The following MLLT3 variants were observed in gnomAD, a reference collection of about 807,000 sequenced individuals.
MLLT3 encodes the protein protein AF-9.
A neutral mutation model predicts 53.2 loss-of-function variants in MLLT3; 4 were observed. That is an observed-to-expected ratio of 0.08 (90% confidence interval 0.04 to 0.17). The LOEUF (loss-of-function observed/expected upper bound fraction) is 0.17, where lower values mean the gene tolerates loss of function less well. MLLT3 is among the 10% of genes least tolerant of loss of function. The pLI is 1.00. For synonymous variants in MLLT3, 283 were observed against 230.6 expected (o/e 1.23, Z -2.06); for missense variants, 569 against 684.0 (o/e 0.83, Z 1.87).
chr9:20,407,115 A>G (rs921078465), intron 5 of MLLT3, among the ~76,000 whole-genome samples: 2 of 152,232 alleles, frequency 1.3e-5, no homozygotes, highest in Non-Finnish European at 2.9e-5. Flanking sequence ...TACATTTTGA[A>G]TAACTTAGAG....
chr9:20,394,589 A>G (rs1216206806), intron 5 of MLLT3, among the ~76,000 whole-genome samples: 2 of 152,086 alleles, frequency 1.3e-5, no homozygotes, highest in Non-Finnish European at 2.9e-5. Context: ...CAACTTTACT[A>G]TCTGGAGGCA....
intron 2 of MLLT3, among the ~76,000 whole-genome samples, chr9:20,530,472 C>G (rs774978760): frequency 1.7e-4 from 26 of 152,080 alleles, no homozygotes; most frequent in Non-Finnish European, 3.1e-4. Flanking sequence ...TTAAATCTGC[C>G]AAGATAAAGG....
At chr9:20,523,641 G>T (rs1818123732) in intron 2 of MLLT3, among the ~76,000 whole-genome samples, 1 of 152,098 alleles carries the variant, frequency 6.6e-6, no homozygotes, top group Non-Finnish European at 1.5e-5. Flanking sequence ...CCAACTATAT[G>T]ACATTTAGGA....
rs555193636 is a variant in MLLT3 at position 20,474,358 on chromosome 9, T to C, written c.194-17572A>G. Among the ~76,000 whole-genome samples, 284 of 152,230 alleles carry C rather than the reference T, an allele frequency of 1.9e-3. 1 individual carries two copies. The highest frequency in any genetic ancestry group is 6.7e-3 in the African/African-American group (278 of 41,534). ...AATTAGCTTGTGTAGATATTAATGT[T>C]CAAATGCAACTATGAATACTTACAT... is the stretch of plus-strand genomic sequence containing the variant. On this transcript the variant is annotated intron_variant, in intron 2 of 10. Transcript: ENST00000380338.
At chr9:20,388,323 T>G (rs971169028) in intron 5 of MLLT3, among the ~76,000 whole-genome samples, 5 of 152,208 alleles carry the variant, frequency 3.3e-5, no homozygotes, top group African/African-American at 1.2e-4. Context: ...GTGCGGTGGC[T>G]CAGGCCTGTA....
At chr9:20,420,444 G>C (rs748847583) in intron 4 of MLLT3, among the ~76,000 whole-genome samples, 7 of 152,166 alleles carry the variant, frequency 4.6e-5, no homozygotes, top group Non-Finnish European at 8.8e-5. Flanking sequence ...AAGAAAGTAT[G>C]AGTGCTAGAT....
At chr9:20,446,104 C>G in intron 4 of MLLT3, among the ~76,000 whole-genome samples, 1 of 152,030 alleles carries the variant, frequency 6.6e-6, no homozygotes, top group East Asian at 1.9e-4. Context: ...ATGAAATAGA[C>G]AGAATCTGTG....
chr9:20,353,685 G>T, intron 9 of MLLT3, 89 bp from the exon 10 acceptor site: 1 of 1,132,692 alleles, frequency 8.8e-7, no homozygotes, highest in Non-Finnish European at 1.3e-6. Context: ...CACACAGGCA[G>T]CAGCAGCTGG....
rs532700416 is a variant in MLLT3, at chr9:20,516,618, A to G, written c.194-59832T>C. Reference sequence around the variant, plus strand: ...CTTTTTTATATCAAAGCTTATTAGAATGCTCTATCATCTATGGAGTGTACA... The same window carrying G: ...CTTTTTTATATCAAAGCTTATTAGAGTGCTCTATCATCTATGGAGTGTACA... On this transcript the variant is annotated intron_variant, in intron 2 of 10. Coordinates refer to ENST00000380338, the MANE Select transcript of MLLT3 (RefSeq NM_004529.4). Among the ~76,000 whole-genome samples the G allele has an allele frequency of 2.0e-5, 3 of 152,358 alleles. No individual in the cohort carries two copies. The South Asian group carries it at 6.2e-4, about 32-fold the overall frequency.
chr9:20,456,971 C>T (rs1044513114), intron 2 of MLLT3, among the ~76,000 whole-genome samples, 185 bp from the exon 3 acceptor site: 1 of 152,064 alleles, frequency 6.6e-6, no homozygotes, highest in African/African-American at 2.4e-5. Flanking sequence ...ACAATAATTG[C>T]TCTTATGTAA....
chr9:20,509,051 T>G (rs1825454583), intron 2 of MLLT3, among the ~76,000 whole-genome samples: 1 of 152,248 alleles, frequency 6.6e-6, no homozygotes, highest in Non-Finnish European at 1.5e-5. Flanking sequence ...TCTGTTCTTT[T>G]CATGCAAGAG....
At position 20,559,037 on chromosome 9, in the gene MLLT3, C is replaced by T. The variant is rs114841247; in HGVS notation, c.193+61617G>A. Among the ~76,000 whole-genome samples, 1,156 of 152,224 alleles carry T rather than the reference C, an allele frequency of 7.6e-3. 11 individuals carry two copies. Among genetic ancestry groups the T allele is most frequent in the Non-Finnish European group, 9.1e-3 (622 of 68,010 alleles). On this transcript the variant is annotated intron_variant, in intron 2 of 10. Coordinates refer to ENST00000380338, the MANE Select transcript of MLLT3 (RefSeq NM_004529.4). ...GACTGTAGCACAATGGTTGTTTTAT[C>T]CTGTTCCAGGTCCACCTTTATGGCC...
rs573811853 is a variant in MLLT3 at position 20,543,729 on chromosome 9, GGAA to G, written c.193+76922_193+76924del. 7.9e-3 allele frequency among the ~76,000 whole-genome samples: 1,201 copies of G among 151,130 alleles called. 11 individuals are homozygous for G. Among genetic ancestry groups the G allele is most frequent in the Non-Finnish European group, 0.011 (747 of 67,796 alleles). On this transcript the variant is annotated intron_variant, in intron 2 of 10. Coordinates refer to ENST00000380338, the MANE Select transcript of MLLT3 (RefSeq NM_004529.4). ...GAGGAGGAGGACGGAGGAGGAAGGA[GGAA>G]GGAGGAGGAGGAGGATAAAAGGAAG...
chr9:20,462,711 C>T (rs1824141157), intron 2 of MLLT3, among the ~76,000 whole-genome samples: 3 of 152,176 alleles, frequency 2.0e-5, no homozygotes, highest in Admixed American at 2.0e-4. Context: ...CAAGTCCCAT[C>T]CTCATCCCTA....
At position 20,621,731 on chromosome 9, in the gene MLLT3, C is replaced by T. The variant is rs534972575; in HGVS notation, c.12+514G>A. The T allele has an allele frequency of 8.6e-5, 128 of 1,489,074 alleles. No individual in the cohort carries two copies. In the South Asian group the frequency reaches 1.4e-3, roughly 17 times the overall value. The allele number at this position is 1,489,074 out of a possible 1,614,324, so 92.2% of individuals were successfully genotyped here. ...GCGTGCGGCCCCGCCGCTGTCAGCCCCGCACACTTCGGCTCACACACGCGC... is the reference window on the plus strand; with the variant it reads ...GCGTGCGGCCCCGCCGCTGTCAGCCTCGCACACTTCGGCTCACACACGCGC... On this transcript the variant is annotated intron_variant, in intron 1 of 10. Coordinates refer to ENST00000380338, the MANE Select transcript of MLLT3 (RefSeq NM_004529.4). The surrounding 1 kb of genome is among the most constrained non-coding windows in gnomAD (Gnocchi z 7.0).
intron 4 of MLLT3, among the ~76,000 whole-genome samples, chr9:20,446,193 T>A (rs1177540960): frequency 1.3e-5 from 2 of 152,200 alleles, no homozygotes; most frequent in East Asian, 3.8e-4. Flanking sequence ...TTAAGTAACT[T>A]GTAATATTTC....
chr9:20,412,776 GA>G (rs1822762258), intron 5 of MLLT3, among the ~76,000 whole-genome samples: 1 of 152,164 alleles, frequency 6.6e-6, no homozygotes, highest in East Asian at 1.9e-4. Context: ...GCCAAAATTA[GA>G]AAAAATAGTG....
intron 5 of MLLT3, among the ~76,000 whole-genome samples, chr9:20,384,116 C>A (rs1458604491): frequency 6.6e-6 from 1 of 152,016 alleles, no homozygotes; most frequent in Non-Finnish European, 1.5e-5. Context: ...CTGTTCTTAA[C>A]AGTTCATCTC....
intron 2 of MLLT3, among the ~76,000 whole-genome samples, chr9:20,523,430 A>G (rs1387587602): frequency 6.6e-6 from 1 of 152,244 alleles, no homozygotes; most frequent in Non-Finnish European, 1.5e-5. Context: ...GGATGTTTAT[A>G]TCAGCTTTAT....
Sources: gnomAD v4.1 joint callset for allele counts (sites outside exome capture counted in the v4.1 genomes callset) on GRCh38, gnomAD v4.1.1 for gene constraint, Gnocchi (gnomAD v3.1) non-coding constraint, MANE v1.5 for transcripts, NCBI Gene and HGNC (gene_info 2026-07-23, HGNC 2026-07-21) for gene names.